The following NXPE2 variants were observed in gnomAD, a reference collection of about 807,000 sequenced individuals.
The protein encoded by NXPE2 is neurexophilin and PC-esterase domain family member 2.
A neutral mutation model predicts 34.4 loss-of-function variants in NXPE2; 34 were observed. That is an observed-to-expected ratio of 0.99 (90% confidence interval 0.75 to 1.31). The LOEUF (loss-of-function observed/expected upper bound fraction) is 1.31, where lower values mean the gene tolerates loss of function less well. Among genes scored for constraint, NXPE2 ranks in the 40% most tolerant of loss-of-function variants. The pLI, the probability that NXPE2 is intolerant of heterozygous loss-of-function variation, is 0.00. For missense variants in NXPE2, 649 were observed against 672.5 expected, an observed-to-expected ratio of 0.97 and a Z score of 0.39; for synonymous variants, 235 against 231.3, an observed-to-expected ratio of 1.02 and a Z score of -0.15.
At chr11:114,582,355 T>C in the NXPE2 span, 3 of 1,612,784 alleles carry the variant, frequency 1.9e-6, no homozygotes, top group Non-Finnish European at 2.5e-6. Context: ...TACATGTGAG[T>C]GAGTGCAGCA....
chr11:114,777,552 G>T, the NXPE2 span, among the ~76,000 whole-genome samples: 15 of 152,286 alleles, frequency 9.8e-5, 1 homozygote, highest in African/African-American at 3.6e-4. Flanking sequence ...AAGACAGATT[G>T]TATTGGGCAG....
At chr11:114,582,356 G>T in the NXPE2 span, 1 of 1,612,904 alleles carries the variant, frequency 6.2e-7, no homozygotes, top group Non-Finnish European at 8.5e-7. Context: ...ACATGTGAGT[G>T]AGTGCAGCAC....
the NXPE2 span, among the ~76,000 whole-genome samples, chr11:114,806,044 C>T: frequency 1.8e-4 from 27 of 152,098 alleles, no homozygotes; most frequent in African/African-American, 3.6e-4. Flanking sequence ...CACCAATATC[C>T]GCTGTTCTGC....
At chr11:114,633,685 A>G in the NXPE2 span, among the ~76,000 whole-genome samples, 16 of 151,224 alleles carry the variant, frequency 1.1e-4, no homozygotes, top group Admixed American at 1.3e-4. Flanking sequence ...TCATTGTTCA[A>G]TTCCCACCTA....
the NXPE2 span, among the ~76,000 whole-genome samples, chr11:114,646,074 A>G: frequency 1.4e-4 from 21 of 152,238 alleles, no homozygotes; most frequent in East Asian, 4.0e-3. Flanking sequence ...AATAATGACA[A>G]CTTGTGACTT....
chr11:114,799,951 C>T, the NXPE2 span, among the ~76,000 whole-genome samples: 2 of 142,984 alleles, frequency 1.4e-5, no homozygotes, highest in Non-Finnish European at 3.1e-5. Flanking sequence ...TCCGTTTTCT[C>T]TCCTTCTTCC....
At chr11:114,519,723 C>G in the NXPE2 span, among the ~76,000 whole-genome samples, 3 of 151,900 alleles carry the variant, frequency 2.0e-5, no homozygotes, top group Non-Finnish European at 2.9e-5. Context: ...TATTTGAACA[C>G]GTATTTGTCT....
chr11:114,646,705 A>G, the NXPE2 span, among the ~76,000 whole-genome samples: 5 of 152,142 alleles, frequency 3.3e-5, no homozygotes, highest in African/African-American at 9.7e-5. Context: ...TTGAGGACAC[A>G]ACCTGCCAAG....
At chr11:114,767,644 T>TC in the NXPE2 span, among the ~76,000 whole-genome samples, 5 of 152,278 alleles carry the variant, frequency 3.3e-5, no homozygotes, top group Non-Finnish European at 4.4e-5. Flanking sequence ...AATTAAGACA[T>TC]CAGTGAATAA....
chr11:114,492,534 T>C, the NXPE2 span, among the ~76,000 whole-genome samples: 2 of 148,660 alleles, frequency 1.3e-5, no homozygotes, highest in African/African-American at 2.5e-5. Flanking sequence ...GTCCAATGTT[T>C]CTTTTTCTTT....
the NXPE2 span, among the ~76,000 whole-genome samples, chr11:114,734,966 C>T: frequency 7.2e-5 from 11 of 152,200 alleles, no homozygotes; most frequent in East Asian, 5.8e-4. Context: ...AAAAATTAGC[C>T]GGGCATGGTG....
the NXPE2 span, among the ~76,000 whole-genome samples, chr11:114,752,592 AG>A: frequency 2.6e-5 from 4 of 152,146 alleles, no homozygotes; most frequent in Admixed American, 1.3e-4. Context: ...AAGGGCAGTC[AG>A]GTTCAGGATC....
chr11:114,677,961 T>C (rs777855474), upstream of NXPE2, among the ~76,000 whole-genome samples: 10 of 152,072 alleles, frequency 6.6e-5, no homozygotes, highest in Non-Finnish European at 1.2e-4. Flanking sequence ...TCTCTTACCT[T>C]GTTACATATT....
the NXPE2 span, chr11:114,522,915 G>A: frequency 3.2e-5 from 52 of 1,613,170 alleles, no homozygotes; most frequent in Middle Eastern, 1.7e-4. Context: ...ATCCACTGAC[G>A]TAGTGTAGAG....
At chr11:114,589,341 G>A in the NXPE2 span, among the ~76,000 whole-genome samples, 1 of 152,104 alleles carries the variant, frequency 6.6e-6, no homozygotes, top group Non-Finnish European at 1.5e-5. Context: ...GAAACTGAAG[G>A]AAGGAAGGTG....
At chr11:114,537,205 A>G in the NXPE2 span, among the ~76,000 whole-genome samples, 1,421 of 152,358 alleles carry the variant, frequency 9.3e-3, 23 homozygotes, top group African/African-American at 0.031. Context: ...ATAGATGCAG[A>G]AAGGGCCTTT....
At chr11:114,552,551 C>T in the NXPE2 span, among the ~76,000 whole-genome samples, 1 of 151,700 alleles carries the variant, frequency 6.6e-6, no homozygotes, top group East Asian at 1.9e-4. Flanking sequence ...CATATTTTCT[C>T]GGAATGTACA....
the NXPE2 span, among the ~76,000 whole-genome samples, chr11:114,492,634 G>T: frequency 6.6e-6 from 1 of 151,986 alleles, no homozygotes; most frequent in Non-Finnish European, 1.5e-5. Context: ...CGCGTCCTGG[G>T]TTCACGCCAT....
At chr11:114,609,999 T>C in the NXPE2 span, among the ~76,000 whole-genome samples, 1 of 151,866 alleles carries the variant, frequency 6.6e-6, no homozygotes, top group Non-Finnish European at 1.5e-5. Context: ...TAACCACTGT[T>C]ACCTGGTAGA....
Sources: allele counts gnomAD v4.1 joint callset (sites outside exome capture counted in the v4.1 genomes callset), GRCh38; gene constraint gnomAD v4.1.1; transcripts MANE v1.5; gene names NCBI Gene and HGNC (gene_info 2026-07-23, HGNC 2026-07-21).